DPY19L1: variants seen among roughly 807,000 people sequenced by gnomAD.
DPY19L1 encodes the protein dpy-19 like C-mannosyltransferase 1.
A neutral mutation model predicts 96.9 loss-of-function variants in DPY19L1; 35 were observed. The observed-to-expected ratio is 0.36, with a 90% CI of 0.28 to 0.48. DPY19L1 has a LOEUF of 0.48. Among genes scored for constraint, DPY19L1 ranks in the 20% least tolerant of loss-of-function variants. The probability of loss-of-function intolerance (pLI) is 0.99; values close to 1 mark genes in which losing one functional copy is unlikely to be tolerated. For missense variants in DPY19L1, 521 were observed against 777.9 expected (o/e 0.67, Z 3.93); for synonymous variants, 205 against 252.6 (o/e 0.81, Z 1.79).
At chr7:34,977,158 T>G (rs1431400176) in intron 7 of DPY19L1, among the ~76,000 whole-genome samples, 4 of 152,220 alleles carry the variant, frequency 2.6e-5, no homozygotes, top group South Asian at 2.1e-4. Flanking sequence ...ACATAACTTT[T>G]ATATGCACTG....
At chr7:35,017,861 A>C in intron 3 of DPY19L1, 21 bp downstream of exon 3, 2 of 1,534,842 alleles carry the variant, frequency 1.3e-6, no homozygotes, top group East Asian at 2.3e-5. Flanking sequence ...TACTATGATG[A>C]AATCCCAAAT....
chr7:34,950,032 A>C (rs886132063), intron 13 of DPY19L1, 134 bp from the exon 14 acceptor site: 29 of 496,176 alleles, frequency 5.8e-5, no homozygotes, highest in African/African-American at 5.5e-4. Flanking sequence ...CTTTTGTTAA[A>C]GAAGGAAATG....
Position 35,014,203 on chromosome 7 carries a change from A to G in DPY19L1, c.412-498T>C, listed in dbSNP as rs181537744. On this transcript the variant is annotated intron_variant, in intron 3 of 21. Coordinates refer to ENST00000638088, the MANE Select transcript of DPY19L1 (RefSeq NM_001366673.1). ...TGTTGAGAAGGCTACACACTGATGT[A>G]TTATTACATATGAATTTCACTCGGG... 6.6e-5 allele frequency among the ~76,000 whole-genome samples: 10 copies of G among 152,322 alleles called. No homozygotes were observed. In the East Asian group the frequency reaches 1.9e-3, roughly 29 times the overall value.
chr7:35,025,946 A>G (rs17793874), intron 1 of DPY19L1, among the ~76,000 whole-genome samples: 41,431 of 152,168 alleles, frequency 0.27, 5,781 homozygotes, highest in Non-Finnish European at 0.31. Context: ...GCAAGTTTCA[A>G]AGACAACATC....
intron 1 of DPY19L1, among the ~76,000 whole-genome samples, chr7:35,020,768 G>C (rs1785977026): frequency 6.6e-6 from 1 of 152,082 alleles, no homozygotes; most frequent in Non-Finnish European, 1.5e-5. Context: ...GAGTGCAGTG[G>C]CATGATCTTG....
chr7:34,981,539 A>G (rs1487288803), intron 7 of DPY19L1, among the ~76,000 whole-genome samples: 2 of 152,202 alleles, frequency 1.3e-5, no homozygotes, highest in Non-Finnish European at 1.5e-5. Flanking sequence ...GACAGACACC[A>G]CCTTAACCAT....
At chr7:35,014,356 C>T (rs2392304) in intron 3 of DPY19L1, among the ~76,000 whole-genome samples, 31,553 of 151,106 alleles carry the variant, frequency 0.21, 3,664 homozygotes, top group Admixed American at 0.36. Flanking sequence ...TAGCTTGGCA[C>T]ACTACTTTGG....
intron 13 of DPY19L1, among the ~76,000 whole-genome samples, chr7:34,952,822 TAAA>T (rs774970448): frequency 1.3e-5 from 2 of 151,646 alleles, no homozygotes; most frequent in Admixed American, 1.3e-4. Flanking sequence ...GACAAAATTA[TAAA>T]AAAAACACTC....
intron 14 of DPY19L1, 122 bp downstream of exon 14, chr7:34,949,675 G>A (rs1460101926): frequency 3.1e-6 from 2 of 639,220 alleles, no homozygotes; most frequent in South Asian, 1.9e-5. Context: ...TAAGCTGCCA[G>A]ATTTTCCTTT....
chr7:35,027,022 C>T (rs1786136494), intron 1 of DPY19L1, among the ~76,000 whole-genome samples: 1 of 152,002 alleles, frequency 6.6e-6, no homozygotes, highest in Non-Finnish European at 1.5e-5. Flanking sequence ...TGATGAAACC[C>T]CATCTCTACT....
chr7:34,977,142 G>C (rs1342780053), intron 7 of DPY19L1, among the ~76,000 whole-genome samples: 5 of 152,126 alleles, frequency 3.3e-5, no homozygotes, highest in African/African-American at 1.2e-4. Flanking sequence ...CTATAGTACA[G>C]TGTAAACATA....
At chr7:35,037,765 C>A, upstream of DPY19L1, 1 of 1,130,858 alleles carries the variant, frequency 8.8e-7, no homozygotes, top group East Asian at 4.1e-5. Flanking sequence ...CGCGCACGCG[C>A]GGACTTCCGG....
chr7:34,941,590 T>C (rs1428964537), intron 18 of DPY19L1, among the ~76,000 whole-genome samples, 175 bp downstream of exon 18: 1 of 152,298 alleles, frequency 6.6e-6, no homozygotes, highest in African/African-American at 2.4e-5. Context: ...TTTAAATCTT[T>C]AGAAAGATAG....
intron 6 of DPY19L1, among the ~76,000 whole-genome samples, chr7:35,003,532 C>T (rs1785480965): frequency 1.3e-5 from 2 of 152,196 alleles, no homozygotes; most frequent in South Asian, 4.1e-4. Flanking sequence ...TTGATATGCT[C>T]CAGAGAGCCA....
At chr7:34,963,780 A>G (rs1267505221) in intron 10 of DPY19L1, among the ~76,000 whole-genome samples, 3 of 152,214 alleles carry the variant, frequency 2.0e-5, no homozygotes, top group African/African-American at 4.8e-5. Flanking sequence ...AAATTCTGAC[A>G]TGCTTCAACA....
intron 1 of DPY19L1, among the ~76,000 whole-genome samples, chr7:35,026,889 T>C (rs984840982): frequency 6.6e-6 from 1 of 152,210 alleles, no homozygotes; most frequent in African/African-American, 2.4e-5. Flanking sequence ...GAGTCTCATT[T>C]TCACCAAGTA....
intron 10 of DPY19L1, among the ~76,000 whole-genome samples, chr7:34,959,721 G>T (rs35593517): frequency 6.6e-6 from 1 of 151,202 alleles, no homozygotes; most frequent in Non-Finnish European, 1.5e-5. Flanking sequence ...TTGGGGGCTG[G>T]GGGGCTAGGG....
At chr7:34,985,023 C>T (rs1439282538) in intron 7 of DPY19L1, among the ~76,000 whole-genome samples, 1 of 151,970 alleles carries the variant, frequency 6.6e-6, no homozygotes, top group African/African-American at 2.4e-5. Flanking sequence ...TTCTTTCTTA[C>T]CAACCTTACC....
intron 7 of DPY19L1, among the ~76,000 whole-genome samples, chr7:34,987,355 G>A (rs772858125): frequency 4.6e-5 from 7 of 151,728 alleles, no homozygotes; most frequent in South Asian, 2.1e-4. Context: ...CACAAGTTTC[G>A]GATTTGAAGG....
Sources: gnomAD v4.1 joint callset for allele counts (sites outside exome capture counted in the v4.1 genomes callset) on GRCh38, gnomAD v4.1.1 for gene constraint, MANE v1.5 for transcripts, NCBI Gene and HGNC (gene_info 2026-07-23, HGNC 2026-07-21) for gene names.